ARHGAP42: variants seen among roughly 807,000 people sequenced by gnomAD.
ARHGAP42 encodes rho GTPase-activating protein 42.
In ARHGAP42, 63 loss-of-function variants were observed where a neutral mutation model predicts 125.0. The ratio of observed to expected loss-of-function variants is 0.50; its 90% CI spans 0.41 to 0.62. The LOEUF (loss-of-function observed/expected upper bound fraction) is 0.62. Among genes scored for constraint, ARHGAP42 ranks in the 20% least tolerant of loss-of-function variants. The pLI is 0.00. For missense variants in ARHGAP42, 766 were observed against 1,024.2 expected (o/e 0.75, Z 3.44); for synonymous variants, 339 against 351.0 (o/e 0.97, Z 0.38).
intron 1 of ARHGAP42, among the ~76,000 whole-genome samples, chr11:100,747,743 A>C (rs949952930): frequency 6.6e-6 from 1 of 152,222 alleles, no homozygotes; most frequent in Non-Finnish European, 1.5e-5. Context: ...CACCTTGCAC[A>C]TAAACTGTTT....
At chr11:100,779,465 A>ATATATAT (rs1395445182) in intron 2 of ARHGAP42, among the ~76,000 whole-genome samples, 1 of 93,280 alleles carries the variant, frequency 1.1e-5, no homozygotes, top group Non-Finnish European at 2.0e-5. Flanking sequence ...AAAAAAAAAA[A>ATATATAT]AAATATATAT....
intron 2 of ARHGAP42, among the ~76,000 whole-genome samples, chr11:100,773,713 A>G (rs1654464964): frequency 6.6e-6 from 1 of 151,894 alleles, no homozygotes; most frequent in Admixed American, 6.6e-5. Flanking sequence ...GGTTTGTTTG[A>G]CTCTTTCCAC....
intron 4 of ARHGAP42, among the ~76,000 whole-genome samples, chr11:100,873,120 CAG>C (rs1420274982): frequency 6.6e-6 from 1 of 152,050 alleles, no homozygotes; most frequent in African/African-American, 2.4e-5. Flanking sequence ...CCAGTCAGCA[CAG>C]GGGAAAATGG....
chr11:100,700,119 T>A (rs1440494079), intron 1 of ARHGAP42, among the ~76,000 whole-genome samples: 2 of 152,190 alleles, frequency 1.3e-5, no homozygotes, highest in Non-Finnish European at 2.9e-5. Flanking sequence ...TCATGTAAAT[T>A]TTTTGGTTTC....
Position 100,991,946 on chromosome 11 carries a change from C to T in ARHGAP42, c.*3145C>T, listed in dbSNP as rs943679285. 2.8e-5 allele frequency: 5 copies of T among 181,638 alleles called. No individual in the cohort carries two copies. The highest frequency in any genetic ancestry group is 1.2e-4 in the Admixed American group (2 of 16,396). 11.3% of individuals were successfully genotyped at this position (181,638 alleles called of 1,614,324 possible). Reference sequence around the variant, plus strand: ...GATACATATGACTTTTATTATTATTCGATGATAATTAGCTTTATATAATGT... The same window carrying T: ...GATACATATGACTTTTATTATTATTTGATGATAATTAGCTTTATATAATGT... On this transcript the variant is annotated 3_prime_UTR_variant, in exon 24 of 24. Coordinates refer to ENST00000298815, the MANE Select transcript of ARHGAP42 (RefSeq NM_152432.4).
intron 4 of ARHGAP42, among the ~76,000 whole-genome samples, chr11:100,890,379 G>A (rs1031684347): frequency 6.6e-6 from 1 of 152,068 alleles, no homozygotes; most frequent in Non-Finnish European, 1.5e-5. Context: ...TATCCTACAA[G>A]TTCCATGAGG....
chr11:100,850,033 A>T (rs552772174), intron 3 of ARHGAP42, among the ~76,000 whole-genome samples: 1 of 152,238 alleles, frequency 6.6e-6, no homozygotes, highest in South Asian at 2.1e-4. Context: ...AGCCGTGCTG[A>T]TCCTTACCTC....
chr11:100,842,696 TA>T (rs1475792848), intron 3 of ARHGAP42, among the ~76,000 whole-genome samples: 1 of 152,110 alleles, frequency 6.6e-6, no homozygotes, highest in Non-Finnish European at 1.5e-5. Context: ...AAATGGAAAT[TA>T]AATAGCCTGC....
At position 100,729,072 on chromosome 11, in the gene ARHGAP42, G is replaced by GTCTC. The variant is rs141776807; in HGVS notation, c.154+41254_155-41254dup. 1.6e-4 allele frequency among the ~76,000 whole-genome samples: 24 copies of GTCTC among 150,326 alleles called. No individual in the cohort carries two copies. In the South Asian group the frequency reaches 4.8e-3, roughly 30 times the overall value. Reference sequence around the variant, plus strand: ...GTGTGAGCCACTGCACGCAGCCTCTGTCTCTCTCTCTCTCTCTTAACTTTC... The same window carrying GTCTC: ...GTGTGAGCCACTGCACGCAGCCTCTGTCTCTCTCTCTCTCTCTCTCTTAACTTTC... On this transcript the variant is annotated intron_variant, in intron 1 of 23. Transcript: ENST00000298815.
In ARHGAP42 at chr11:100,928,140, A is replaced by G. The variant is rs966561378; in HGVS notation, c.598-5016A>G. Among the ~76,000 whole-genome samples, 95 of 152,166 alleles carry G rather than the reference A, an allele frequency of 6.2e-4. 1 individual carries two copies. The highest frequency in any genetic ancestry group is 5.1e-4 in the Non-Finnish European group (35 of 68,032). ...TACAGATTTAACTCACAGGCCTGACACTTTTACAGTGTGAAAATTGATGCC... is the reference window on the plus strand; with the variant it reads ...TACAGATTTAACTCACAGGCCTGACGCTTTTACAGTGTGAAAATTGATGCC... On this transcript the variant is annotated intron_variant, in intron 6 of 23. Transcript: ENST00000298815.
chr11:100,859,090 G>A (rs1354998680), intron 3 of ARHGAP42, among the ~76,000 whole-genome samples: 1 of 151,984 alleles, frequency 6.6e-6, no homozygotes, highest in Non-Finnish European at 1.5e-5. Context: ...CTCATTTTGA[G>A]GAATCTAACT....
intron 4 of ARHGAP42, among the ~76,000 whole-genome samples, chr11:100,867,940 A>G (rs1056233208): frequency 6.6e-6 from 1 of 152,226 alleles, no homozygotes; most frequent in African/African-American, 2.4e-5. Flanking sequence ...AGAAAGACAG[A>G]GAATGGCCAG....
chr11:100,814,953 G>T (rs973625185), intron 3 of ARHGAP42, among the ~76,000 whole-genome samples: 4 of 152,192 alleles, frequency 2.6e-5, no homozygotes, highest in Admixed American at 2.6e-4. Context: ...ACTTAATCTT[G>T]TTCATTCTTC....
intron 22 of ARHGAP42, among the ~76,000 whole-genome samples, chr11:100,980,559 C>CTTCTGTTTTTTTTTTT (rs1555037006): frequency 1.9e-5 from 1 of 51,962 alleles, no homozygotes; most frequent in Non-Finnish European, 3.8e-5. Context: ...TTTTCTTCTT[C>CTTCTGTTTTTTTTTTT]TTTTTTTTTT....
At chr11:100,962,323 C>A in intron 15 of ARHGAP42, 86 bp from the exon 16 acceptor site, 1 of 1,003,290 alleles carries the variant, frequency 1.0e-6, no homozygotes, top group Non-Finnish European at 1.5e-6. Flanking sequence ...GAATAACAGT[C>A]ACCTAATTCT....
Position 100,989,287 on chromosome 11 carries a change from GC to G in ARHGAP42, c.*487del. On this transcript the variant is annotated 3_prime_UTR_variant, in exon 24 of 24. Coordinates refer to ENST00000298815, the MANE Select transcript of ARHGAP42 (RefSeq NM_152432.4). ...TACTGCTTTTATATATGATTGTTTTGCTGGTCCTAAACATTTCAAGGATGTA... is the reference window on the plus strand; with the variant it reads ...TACTGCTTTTATATATGATTGTTTTGTGGTCCTAAACATTTCAAGGATGTA... 2.5e-6 allele frequency: 1 copy of G among 392,692 alleles called. No individual in the cohort carries two copies. 24.3% of individuals were successfully genotyped at this position (392,692 alleles called of 1,614,324 possible).
At chr11:100,715,224 A>G (rs1203314373) in intron 1 of ARHGAP42, among the ~76,000 whole-genome samples, 1 of 152,134 alleles carries the variant, frequency 6.6e-6, no homozygotes, top group Non-Finnish European at 1.5e-5. Context: ...TGGAAGAAGT[A>G]TTCTGCCTTT....
chr11:100,943,943 GA>G, intron 10 of ARHGAP42, 75 bp downstream of exon 10: 1 of 953,310 alleles, frequency 1.0e-6, no homozygotes, highest in African/African-American at 1.7e-5. Context: ...ATATAAACAT[GA>G]AACAGCATTC....
intron 1 of ARHGAP42, among the ~76,000 whole-genome samples, chr11:100,766,474 A>G (rs1426176163): frequency 6.6e-6 from 1 of 152,228 alleles, no homozygotes. Context: ...CTATTATGAT[A>G]TGGATGAACT....
Sources: allele counts gnomAD v4.1 joint callset (sites outside exome capture counted in the v4.1 genomes callset), GRCh38; gene constraint gnomAD v4.1.1; transcripts MANE v1.5; gene names NCBI Gene and HGNC (gene_info 2026-07-23, HGNC 2026-07-21).